Variants in USP7 observed in about 807,000 individuals in gnomAD.
USP7 encodes the protein ubiquitin specific peptidase 7, also known as ubiquitin C-terminal hydrolase 7.
In USP7, 9 loss-of-function variants were observed where a neutral mutation model predicts 162.9. The observed-to-expected ratio is 0.06, with a 90% CI of 0.03 to 0.10. The LOEUF is 0.10. USP7 is among the 10% of genes least tolerant of loss of function. The probability of loss-of-function intolerance (pLI) is 1.00; values close to 1 mark genes in which losing one functional copy is unlikely to be tolerated. For missense variants in USP7, 715 were observed against 1,373.7 expected (o/e 0.52, Z 7.58); for synonymous variants, 562 against 475.9 (o/e 1.18, Z -2.35).
intron 2 of USP7, among the ~76,000 whole-genome samples, chr16:8,927,665 G>A (rs553094784): frequency 4.6e-5 from 7 of 151,582 alleles, no homozygotes; most frequent in South Asian, 4.2e-4. Context: ...GTGAAACCTC[G>A]TCTCTACTAA....
intron 1 of USP7, chr16:8,936,451 T>C (rs893943236): frequency 3.3e-6 from 3 of 916,896 alleles, no homozygotes; most frequent in Non-Finnish European, 4.5e-6. Flanking sequence ...GTGATCTTTA[T>C]ATAAATTTTA....
chr16:8,899,859 C>A, intron 21 of USP7, 102 bp from the exon 22 acceptor site: 1 of 1,368,214 alleles, frequency 7.3e-7, no homozygotes, highest in Non-Finnish European at 1.0e-6. Context: ...CCAACAGGCT[C>A]TCTTGCAAGA....
chr16:8,910,957 C>A (rs1479197623), intron 10 of USP7, 130 bp from the exon 11 acceptor site: 3 of 733,674 alleles, frequency 4.1e-6, no homozygotes, highest in Non-Finnish European at 6.9e-6. Context: ...CAGTAACTCT[C>A]CCCCTGTAGC....
intron 4 of USP7, 46 bp from the exon 5 acceptor site, chr16:8,920,493 T>C (rs1677470): frequency 1 from 1,517,202 of 1,520,410 alleles, 757,054 homozygotes; most frequent in East Asian, 1. Flanking sequence ...AGAACACACA[T>C]TTTATTCCCA....
intron 20 of USP7, 47 bp downstream of exon 20, chr16:8,900,943 C>T (rs2061764624): frequency 1.3e-6 from 2 of 1,590,424 alleles, no homozygotes; most frequent in South Asian, 2.3e-5. Flanking sequence ...AAACCCTCCA[C>T]AAACTACTAA....
chr16:8,946,148 C>G (rs1211263372), intron 1 of USP7, among the ~76,000 whole-genome samples: 2 of 152,162 alleles, frequency 1.3e-5, no homozygotes, highest in East Asian at 1.9e-4. Flanking sequence ...AACCTCACAC[C>G]TTATACAAAA....
chr16:8,952,221 G>A (rs1664264207), intron 1 of USP7, among the ~76,000 whole-genome samples: 1 of 152,094 alleles, frequency 6.6e-6, no homozygotes, highest in African/African-American at 2.4e-5. Context: ...CTGAATTCCA[G>A]CCTGGGCACG....
intron 1 of USP7, among the ~76,000 whole-genome samples, chr16:8,959,528 C>T (rs1027762508): frequency 3.9e-5 from 6 of 152,134 alleles, no homozygotes; most frequent in Non-Finnish European, 8.8e-5. Flanking sequence ...GAGTGAGATG[C>T]TAGGTTTGGC....
chr16:8,961,730 T>A (rs1900024242), intron 1 of USP7, among the ~76,000 whole-genome samples: 1 of 152,192 alleles, frequency 6.6e-6, no homozygotes, highest in Non-Finnish European at 1.5e-5. Flanking sequence ...AAAGCAACCC[T>A]CTTTTATGTT....
At chr16:8,934,124 C>A (rs2437714) in intron 1 of USP7, among the ~76,000 whole-genome samples, 1 of 152,324 alleles carries the variant, frequency 6.6e-6, no homozygotes, top group South Asian at 2.1e-4. Context: ...TTCAAACTTA[C>A]CCTACGACAA....
At chr16:8,924,802 A>G (rs1485909976) in intron 2 of USP7, among the ~76,000 whole-genome samples, 1 of 152,236 alleles carries the variant, frequency 6.6e-6, no homozygotes, top group Non-Finnish European at 1.5e-5. Context: ...GTGTGACGGT[A>G]AGCACTTCTA....
At chr16:8,919,948 G>A (rs555037436) in intron 5 of USP7, among the ~76,000 whole-genome samples, 80 of 152,214 alleles carry the variant, frequency 5.3e-4, no homozygotes, top group Middle Eastern at 3.4e-3. Context: ...CGCTCACCAT[G>A]TTAGTTGTCG....
intron 25 of USP7, among the ~76,000 whole-genome samples, chr16:8,897,746 T>TATATAA (rs71155416): frequency 4.9e-5 from 5 of 103,024 alleles, no homozygotes; most frequent in African/African-American, 2.0e-4. Flanking sequence ...TATATATATA[T>TATATAA]AAATGAGTTG....
At position 8,901,064 on chromosome 16, in the gene USP7, G is replaced by T. The variant is rs540462890; in HGVS notation, c.2141-7C>A. On this transcript the variant is annotated splice_region_variant and splice_polypyrimidine_tract_variant and intron_variant, in intron 19 of 30. Coordinates refer to ENST00000344836, the MANE Select transcript of USP7 (RefSeq NM_003470.3). ...ATAACTGGGAGCAAGTCACCTAGGA[G>T]AAAGAAGATATTTTAAATGTGTAGC... 6.2e-7 allele frequency: 1 copy of T among 1,614,108 alleles called. No individual in the cohort carries two copies. Among genetic ancestry groups the T allele is most frequent in the Non-Finnish European group, 8.5e-7 (1 of 1,179,980 alleles).
At chr16:8,932,797 G>T (rs1344402863) in intron 1 of USP7, among the ~76,000 whole-genome samples, 2 of 152,092 alleles carry the variant, frequency 1.3e-5, no homozygotes, top group Non-Finnish European at 2.9e-5. Flanking sequence ...GATGGACAAA[G>T]CAGGATAGTG....
At chr16:8,952,183 G>C (rs1899585034) in intron 1 of USP7, among the ~76,000 whole-genome samples, 1 of 152,194 alleles carries the variant, frequency 6.6e-6, no homozygotes. Context: ...CCAGGAGTTT[G>C]AGGCTATAGT....
intron 1 of USP7, among the ~76,000 whole-genome samples, chr16:8,943,268 T>C (rs1385955612): frequency 6.6e-6 from 1 of 152,112 alleles, no homozygotes; most frequent in Non-Finnish European, 1.5e-5. Context: ...TTTAATGCTG[T>C]GTTGTGCACT....
intron 1 of USP7, among the ~76,000 whole-genome samples, chr16:8,931,072 G>T (rs1483175120): frequency 6.6e-6 from 1 of 151,866 alleles, no homozygotes; most frequent in Admixed American, 6.6e-5. Flanking sequence ...TTTTACTATA[G>T]GTTTCCTAGT....
intron 6 of USP7, 126 bp downstream of exon 6, chr16:8,918,905 A>G: frequency 2.3e-6 from 2 of 885,344 alleles, no homozygotes; most frequent in Non-Finnish European, 3.7e-6. Context: ...AGCATGAACT[A>G]GCAGCCATCT....
Sources: allele counts gnomAD v4.1 joint callset (sites outside exome capture counted in the v4.1 genomes callset), GRCh38; gene constraint gnomAD v4.1.1; transcripts MANE v1.5; gene names NCBI Gene and HGNC (gene_info 2026-07-23, HGNC 2026-07-21).